CDC42BPA: variants seen among roughly 807,000 people sequenced by gnomAD.
CDC42BPA encodes the protein CDC42 binding protein kinase alpha, also known as serine/threonine-protein kinase MRCK alpha.
In CDC42BPA, 80 loss-of-function variants were observed where a neutral mutation model predicts 223.5. That is an observed-to-expected ratio of 0.36 (90% CI 0.30 to 0.43). CDC42BPA has a LOEUF of 0.43. Ranked by LOEUF, CDC42BPA falls within the 20% of genes least tolerant of loss-of-function variation. The pLI, the probability that CDC42BPA is intolerant of heterozygous loss-of-function variation, is 1.00. For synonymous variants in CDC42BPA, 694 were observed against 718.6 expected (o/e 0.97, Z 0.55); for missense variants, 1,743 against 2,099.9 (o/e 0.83, Z 3.32).
At chr1:227,208,910 T>G (rs28842175) in intron 3 of CDC42BPA, among the ~76,000 whole-genome samples, 2,256 of 152,024 alleles carry the variant, frequency 0.015, 54 homozygotes, top group African/African-American at 0.051. Context: ...TTGGTAGCTT[T>G]ATGGGGATGG....
intron 1 of CDC42BPA, among the ~76,000 whole-genome samples, chr1:227,272,360 G>A (rs1033175757): frequency 2.0e-4 from 31 of 151,976 alleles, no homozygotes; most frequent in African/African-American, 6.3e-4. Context: ...TAAACAGAAT[G>A]CCAAAAGAAA....
chr1:227,247,672 G>C (rs1018669090), intron 2 of CDC42BPA, among the ~76,000 whole-genome samples: 1 of 151,302 alleles, frequency 6.6e-6, no homozygotes, highest in Non-Finnish European at 1.5e-5. Context: ...ATCATCTGAC[G>C]TCAGGAGTTC....
At position 227,035,489 on chromosome 1, in the gene CDC42BPA, T is replaced by C. The variant is rs752728241; in HGVS notation, c.3318A>G (p.Ala1106=). 6 of 1,609,872 alleles carry C rather than the reference T, an allele frequency of 3.7e-6. No individual in the cohort carries two copies. The highest frequency in any genetic ancestry group is 5.1e-6 in the Non-Finnish European group (6 of 1,178,780). ...GIDPQKGIGT[A]YEGHVRIPKP... ...TACTTACCCTGACATGACCTTCATA[T>C]GCTGTTCCTATTCCTTTCTGAGGAT... Residue 1106 remains alanine, a synonymous_variant, in exon 25 of 37, where the codon GCA becomes GCG. Transcript: ENST00000366766.
chr1:227,043,381 C>A (rs1026748808), intron 23 of CDC42BPA, among the ~76,000 whole-genome samples: 2 of 149,812 alleles, frequency 1.3e-5, no homozygotes, highest in African/African-American at 4.9e-5. Context: ...CCACTGCACT[C>A]CGGCCTGGCG....
intron 2 of CDC42BPA, among the ~76,000 whole-genome samples, chr1:227,246,541 T>A (rs879466137): frequency 2.0e-5 from 3 of 151,938 alleles, no homozygotes; most frequent in Non-Finnish European, 4.4e-5. Flanking sequence ...AGACCCAATA[T>A]GTTTGGAAGA....
At chr1:227,091,676 G>A (rs1235129646) in intron 16 of CDC42BPA, among the ~76,000 whole-genome samples, 2 of 152,044 alleles carry the variant, frequency 1.3e-5, no homozygotes, top group Non-Finnish European at 2.9e-5. Context: ...ATGGGACAAA[G>A]AATAAAAGGA....
intron 23 of CDC42BPA, 81 bp downstream of exon 23, chr1:227,047,846 C>A (rs920463681): frequency 1.4e-5 from 10 of 706,266 alleles, no homozygotes; most frequent in African/African-American, 3.7e-5. Context: ...GAAATAATAT[C>A]AAAAAAATCA....
chr1:227,045,215 C>CA (rs1451801257), intron 23 of CDC42BPA, among the ~76,000 whole-genome samples: 1 of 152,200 alleles, frequency 6.6e-6, no homozygotes, highest in Non-Finnish European at 1.5e-5. Flanking sequence ...TGGAATTTCT[C>CA]AAAATGCAAT....
chr1:227,157,846 G>A (rs2149782850), intron 6 of CDC42BPA, among the ~76,000 whole-genome samples: 1 of 151,752 alleles, frequency 6.6e-6, no homozygotes, highest in African/African-American at 2.4e-5. Flanking sequence ...TTCAGTTACT[G>A]TACTTTCTAA....
intron 2 of CDC42BPA, chr1:227,234,391 T>G (rs956320115): frequency 2.6e-5 from 4 of 152,178 alleles, no homozygotes; most frequent in African/African-American, 9.7e-5. Flanking sequence ...GTGGCCAAAA[T>G]GTCTAACAAT....
At position 226,991,034 on chromosome 1, in the gene CDC42BPA, A is replaced by G. The variant is rs1189005896; in HGVS notation, c.*3234T>C. On this transcript the variant is annotated 3_prime_UTR_variant, in exon 37 of 37. Transcript: ENST00000366766. ...ATACATACATAATAACAAAAAATGT[A>G]AGATCTACTTTAGCAATCATTTGAC... 6.6e-6 allele frequency: 1 copy of G among 152,640 alleles called. No homozygotes were observed. The highest frequency in any genetic ancestry group is 1.5e-5 in the Non-Finnish European group (1 of 68,038). The allele number at this position is 152,640 out of a possible 1,614,324, so 9.5% of individuals were successfully genotyped here.
chr1:227,168,497 G>GTGTTTTGTTTTTTTTTTTTTTTTT (rs1302291274), intron 5 of CDC42BPA, among the ~76,000 whole-genome samples: 15 of 80,196 alleles, frequency 1.9e-4, no homozygotes, highest in South Asian at 4.5e-4. Flanking sequence ...CTTCCCTGGT[G>GTGTTTTGTTTTTTTTTTTTTTTTT]TTTTTTTTTT....
At chr1:227,315,459 T>C (rs1367215679) in intron 1 of CDC42BPA, among the ~76,000 whole-genome samples, 2 of 151,994 alleles carry the variant, frequency 1.3e-5, no homozygotes, top group African/African-American at 4.8e-5. Flanking sequence ...AGTTCTCCCA[T>C]AGCTTCGCAG....
intron 5 of CDC42BPA, among the ~76,000 whole-genome samples, chr1:227,188,712 G>A (rs1432810128): frequency 6.6e-6 from 1 of 152,154 alleles, no homozygotes; most frequent in African/African-American, 2.4e-5. Flanking sequence ...GGAATAAAGA[G>A]GTGGAACACA....
Position 227,084,989 on chromosome 1 carries a change from T to C in CDC42BPA, c.2356-3972A>G, listed in dbSNP as rs79968597. 8.9e-4 allele frequency among the ~76,000 whole-genome samples: 136 copies of C among 152,324 alleles called. 2 individuals carry two copies. The East Asian group carries it at 0.024, about 27-fold the overall frequency. On this transcript the variant is annotated intron_variant, in intron 16 of 36. Transcript: ENST00000366766. ...GAACATCAGCTGTGACATCAGCTTC[T>C]CCTGCCTTCAGACCTGAAACGAGGC...
intron 1 of CDC42BPA, among the ~76,000 whole-genome samples, chr1:227,290,019 T>C (rs984327682): frequency 6.6e-6 from 1 of 151,656 alleles, no homozygotes; most frequent in African/African-American, 2.4e-5. Flanking sequence ...CTTGGGTGAG[T>C]GACAGCAAGA....
At chr1:226,997,984 T>C (rs1343377154) in intron 35 of CDC42BPA, among the ~76,000 whole-genome samples, 1 of 152,106 alleles carries the variant, frequency 6.6e-6, no homozygotes, top group Non-Finnish European at 1.5e-5. Flanking sequence ...TGTGCAAAAA[T>C]CACAAGCATT....
intron 24 of CDC42BPA, 39 bp from the exon 25 acceptor site, chr1:227,035,646 T>A: frequency 6.5e-7 from 1 of 1,531,364 alleles, no homozygotes; most frequent in Non-Finnish European, 8.7e-7. Flanking sequence ...TAAAAATTCA[T>A]TTTAACAAAA....
At chr1:227,162,270 A>G (rs1301941438) in intron 5 of CDC42BPA, among the ~76,000 whole-genome samples, 1 of 152,016 alleles carries the variant, frequency 6.6e-6, no homozygotes, top group African/African-American at 2.4e-5. Flanking sequence ...TATAAATAAA[A>G]TAGAAAATAC....
Sources: gnomAD v4.1 joint callset for allele counts (sites outside exome capture counted in the v4.1 genomes callset) on GRCh38, gnomAD v4.1.1 for gene constraint, MANE v1.5 for transcripts, NCBI Gene and HGNC (gene_info 2026-07-23, HGNC 2026-07-21) for gene names.